PTPRD: variants seen among roughly 807,000 people sequenced by gnomAD.
PTPRD encodes receptor-type tyrosine-protein phosphatase delta.
PTPRD carries 34 observed loss-of-function variants against 214.5 expected under a neutral mutation model. That is an observed-to-expected ratio of 0.16 (90% CI 0.12 to 0.21). PTPRD has a LOEUF of 0.21. Ranked by LOEUF, PTPRD falls within the 10% of genes least tolerant of loss-of-function variation. The pLI, the probability that PTPRD is intolerant of heterozygous loss-of-function variation, is 1.00. For missense variants in PTPRD, 2,545 were observed against 2,398.7 expected, an observed-to-expected ratio of 1.06 and a Z score of -1.27; for synonymous variants, 1,128 against 845.7, an observed-to-expected ratio of 1.33 and a Z score of -5.79.
intron 11 of PTPRD, among the ~76,000 whole-genome samples, chr9:8,748,070 G>C (rs920842518): frequency 6.6e-6 from 1 of 152,166 alleles, no homozygotes; most frequent in Non-Finnish European, 1.5e-5. Context: ...CGACATTGAA[G>C]GCACCCCTCC....
intron 11 of PTPRD, among the ~76,000 whole-genome samples, chr9:8,829,678 G>T (rs1459619624): frequency 1.3e-5 from 2 of 152,134 alleles, no homozygotes; most frequent in African/African-American, 4.8e-5. Context: ...TTACTAGGAA[G>T]ATAGTACACA....
intron 7 of PTPRD, among the ~76,000 whole-genome samples, chr9:9,681,523 C>T (rs116878794): frequency 5.9e-5 from 9 of 151,728 alleles, no homozygotes; most frequent in Non-Finnish European, 1.2e-4. Flanking sequence ...AAAGTAATCC[C>T]GTCTAAACCC....
At chr9:10,501,370 C>G (rs547218475) in intron 2 of PTPRD, among the ~76,000 whole-genome samples, 4 of 152,026 alleles carry the variant, frequency 2.6e-5, no homozygotes, top group Admixed American at 2.6e-4. Context: ...AACATTTGTC[C>G]ATTTTTAAAT....
chr9:9,122,232 G>A (rs1464517503), intron 10 of PTPRD, among the ~76,000 whole-genome samples: 1 of 152,174 alleles, frequency 6.6e-6, no homozygotes, highest in East Asian at 1.9e-4. Context: ...TAGCTTTGCT[G>A]ATTAAGAGAA....
intron 5 of PTPRD, among the ~76,000 whole-genome samples, chr9:9,881,290 T>C (rs1028330287): frequency 1.3e-5 from 2 of 152,200 alleles, no homozygotes; most frequent in African/African-American, 4.8e-5. Flanking sequence ...GACTATCAGC[T>C]ATTTAATATC....
At chr9:10,092,494 A>G (rs72694841) in intron 3 of PTPRD, among the ~76,000 whole-genome samples, 7,973 of 151,454 alleles carry the variant, frequency 0.053, 267 homozygotes, top group Admixed American at 0.1. Flanking sequence ...ATTACCTGTA[A>G]TCATTATTTG....
intron 5 of PTPRD, among the ~76,000 whole-genome samples, chr9:9,855,728 C>A (rs1017620740): frequency 6.6e-6 from 1 of 152,124 alleles, no homozygotes; most frequent in Non-Finnish European, 1.5e-5. Context: ...GGAGCCAGGG[C>A]GAACACTTTT....
intron 9 of PTPRD, among the ~76,000 whole-genome samples, chr9:9,378,966 C>G (rs1220380223): frequency 6.6e-6 from 1 of 150,918 alleles, no homozygotes; most frequent in Non-Finnish European, 1.5e-5. Context: ...TCTTCTCATT[C>G]TCTTGACATT....
chr9:8,363,846 T>A (rs2079112258), intron 39 of PTPRD, among the ~76,000 whole-genome samples: 1 of 152,232 alleles, frequency 6.6e-6, no homozygotes, highest in Non-Finnish European at 1.5e-5. Context: ...TACTTTGTCC[T>A]CAGCACAGAG....
intron 2 of PTPRD, among the ~76,000 whole-genome samples, chr9:10,418,247 C>A (rs536120361): frequency 6.6e-6 from 1 of 151,786 alleles, no homozygotes; most frequent in Non-Finnish European, 1.5e-5. Context: ...TAGCTCAAGA[C>A]AAATATAATA....
intron 5 of PTPRD, among the ~76,000 whole-genome samples, chr9:9,873,611 C>T (rs1049849591): frequency 6.6e-6 from 1 of 152,038 alleles, no homozygotes. Flanking sequence ...TCCATTAATG[C>T]CATGCCTATA....
chr9:9,829,569 A>G (rs923798798), intron 5 of PTPRD, among the ~76,000 whole-genome samples: 1 of 151,838 alleles, frequency 6.6e-6, no homozygotes, highest in Admixed American at 6.6e-5. Context: ...ATTTGGCAGT[A>G]TGTTACCTAT....
chr9:9,448,171 A>T (rs1025257674), intron 8 of PTPRD, among the ~76,000 whole-genome samples: 1 of 152,082 alleles, frequency 6.6e-6, no homozygotes, highest in East Asian at 1.9e-4. Flanking sequence ...AAGAAGTTGT[A>T]AAATTTTCAA....
intron 9 of PTPRD, among the ~76,000 whole-genome samples, chr9:9,297,199 G>T (rs1016980455): frequency 6.6e-6 from 1 of 151,650 alleles, no homozygotes; most frequent in African/African-American, 2.4e-5. Context: ...CAAAGATTCA[G>T]AAGTTCACTG....
chr9:8,327,961 C>T (rs1192882648), intron 44 of PTPRD, among the ~76,000 whole-genome samples: 1 of 89,790 alleles, frequency 1.1e-5, no homozygotes, highest in Non-Finnish European at 2.3e-5. Flanking sequence ...GTCTTCACTC[C>T]TCTTTATCCA....
chr9:9,087,539 G>C (rs553340692), intron 10 of PTPRD, among the ~76,000 whole-genome samples: 12 of 152,066 alleles, frequency 7.9e-5, no homozygotes, highest in African/African-American at 2.9e-4. Context: ...ATTGAAATAT[G>C]AGAAACATAC....
At chr9:8,395,594 T>A (rs2090917497) in intron 36 of PTPRD, among the ~76,000 whole-genome samples, 1 of 152,092 alleles carries the variant, frequency 6.6e-6, no homozygotes, top group East Asian at 1.9e-4. Flanking sequence ...TCCCCTGGTA[T>A]AGCTGCAGTC....
At chr9:10,059,508 T>C (rs1344667414) in intron 3 of PTPRD, among the ~76,000 whole-genome samples, 1 of 152,110 alleles carries the variant, frequency 6.6e-6, no homozygotes. Context: ...CCAGCATACT[T>C]TGGTATATAT....
intron 7 of PTPRD, among the ~76,000 whole-genome samples, chr9:9,669,759 A>G (rs1224713003): frequency 6.6e-6 from 1 of 152,186 alleles, no homozygotes; most frequent in Non-Finnish European, 1.5e-5. Flanking sequence ...AAGTCCCCAT[A>G]TAAAAATGTT....
Sources: allele counts gnomAD v4.1 joint callset (sites outside exome capture counted in the v4.1 genomes callset), GRCh38; gene constraint gnomAD v4.1.1; transcripts MANE v1.5; gene names NCBI Gene and HGNC (gene_info 2026-07-23, HGNC 2026-07-21).